Variants in PDIA6 observed in about 807,000 individuals in gnomAD.
PDIA6 encodes protein disulfide isomerase family A member 6.
Under a neutral mutation model 58.4 loss-of-function variants are expected in PDIA6, and 29 were observed. The observed-to-expected ratio is 0.50, with a 90% CI of 0.37 to 0.68. PDIA6 has a LOEUF of 0.68. Ranked by LOEUF, PDIA6 falls within the 30% of genes least tolerant of loss-of-function variation. The pLI is 0.00. For synonymous variants in PDIA6, 192 were observed against 202.6 expected (o/e 0.95, Z 0.44); for missense variants, 480 against 551.0 (o/e 0.87, Z 1.29).
upstream of PDIA6, among the ~76,000 whole-genome samples, chr2:10,832,833 G>C (rs1458120071): frequency 6.6e-6 from 1 of 152,120 alleles, no homozygotes; most frequent in Non-Finnish European, 1.5e-5. Flanking sequence ...CAGGAACAGG[G>C]TAAGGAGGCG....
At chr2:10,790,930 G>C in intron 6 of PDIA6, 97 bp from the exon 7 acceptor site, 3 of 804,912 alleles carry the variant, frequency 3.7e-6, no homozygotes, top group South Asian at 3.0e-5. Flanking sequence ...GCTCCCTGCA[G>C]CCTCAATCTC....
At chr2:10,829,502 T>C (rs1203229222) in intron 1 of PDIA6, among the ~76,000 whole-genome samples, 1 of 152,228 alleles carries the variant, frequency 6.6e-6, no homozygotes, top group Non-Finnish European at 1.5e-5. Flanking sequence ...CAAAAGATCC[T>C]GTCCTTACCA....
rs144815954 is a variant in PDIA6 at position 10,807,753 on chromosome 2, T to C, written c.19+4925A>G. 6.6e-5 allele frequency among the ~76,000 whole-genome samples: 10 copies of C among 152,358 alleles called. No homozygotes were observed. In the East Asian group the frequency reaches 1.7e-3, roughly 26 times the overall value. On this transcript the variant is annotated intron_variant, in intron 1 of 12. Transcript: ENST00000272227. ...CTTTTTCTGGAAGGAGTGTACACCA[T>C]TGTTCATTGTTTTACTGCTAAATCC...
intron 10 of PDIA6, among the ~76,000 whole-genome samples, chr2:10,787,812 C>T (rs930635698): frequency 1.3e-5 from 2 of 152,150 alleles, no homozygotes; most frequent in Non-Finnish European, 2.9e-5. Flanking sequence ...CGCCTGTGAT[C>T]CCAGCACTTT....
At chr2:10,794,703 C>A (rs1255245156) in intron 4 of PDIA6, among the ~76,000 whole-genome samples, 1 of 151,848 alleles carries the variant, frequency 6.6e-6, no homozygotes, top group East Asian at 2.0e-4. Context: ...CCGAGGCAGG[C>A]GGATCATGAG....
At position 10,812,700 on chromosome 2, in the gene PDIA6, G is replaced by A. The variant is rs1430366827; in HGVS notation, c.-4C>T. ...TACCGAGCACCAGGAGAGCCATGCC[G>A]AGCGCCGGGCTACGTGCAGTCCCCA... On this transcript the variant is annotated 5_prime_UTR_variant, in exon 1 of 13. Transcript: ENST00000272227. 2.0e-6 allele frequency: 3 copies of A among 1,528,658 alleles called. No homozygotes were observed. Among genetic ancestry groups the A allele is most frequent in the African/African-American group, 1.4e-5 (1 of 69,698 alleles). The allele number at this position is 1,528,658 out of a possible 1,614,324, so 94.7% of individuals were successfully genotyped here. A position where few individuals can be genotyped will look rare whatever the true frequency, so the allele number is the denominator to read the frequency against.
At chr2:10,820,403 A>G (rs13429247) in intron 1 of PDIA6, among the ~76,000 whole-genome samples, 38,213 of 152,084 alleles carry the variant, frequency 0.25, 5,065 homozygotes, top group Non-Finnish European at 0.27. Flanking sequence ...TTTTCAGTCT[A>G]AATTGTCATG....
At position 10,785,013 on chromosome 2, in the gene PDIA6, C is replaced by T. The variant is rs377194432; in HGVS notation, c.1175G>A (p.Arg392His). 146 of 1,580,738 alleles carry T rather than the reference C, an allele frequency of 9.2e-5. No individual in the cohort carries two copies. The highest frequency in any genetic ancestry group is 1.1e-4 in the Admixed American group (6 of 55,968). Residue 392 changes from arginine (R) to histidine (H), a missense_variant, in exon 12 of 13, where the codon CGT (arginine) becomes CAT (histidine). Transcript: ENST00000272227. ...NEFLRELSFG[R>H]GSTAPVGGGA... ...GCCTCCTACAGGTGCCGTGGAGCCA[C>T]GCCCAAAAGAGAGCTCCCTTAGGGA... is the stretch of plus-strand genomic sequence containing the variant.
intron 1 of PDIA6, among the ~76,000 whole-genome samples, chr2:10,825,552 G>C (rs981472885): frequency 6.6e-6 from 1 of 152,038 alleles, no homozygotes; most frequent in Non-Finnish European, 1.5e-5. Context: ...ACACAGTGTG[G>C]GATAAAATAT....
intron 2 of PDIA6, among the ~76,000 whole-genome samples, chr2:10,799,267 G>C (rs1462853398): frequency 6.6e-6 from 1 of 152,162 alleles, no homozygotes; most frequent in Non-Finnish European, 1.5e-5. Flanking sequence ...GTGATTTAAT[G>C]CATTTTTAAA....
intron 1 of PDIA6, among the ~76,000 whole-genome samples, chr2:10,826,892 C>T (rs1667569881): frequency 6.6e-6 from 1 of 152,192 alleles, no homozygotes; most frequent in Non-Finnish European, 1.5e-5. Context: ...CTGGTTCCTG[C>T]CTTCGGGCCT....
intron 8 of PDIA6, 44 bp from the exon 9 acceptor site, chr2:10,789,025 T>C (rs750194451): frequency 1.4e-6 from 2 of 1,403,814 alleles, no homozygotes; most frequent in Non-Finnish European, 2.0e-6. Context: ...GGCTGCATGA[T>C]ACAACACCTA....
At chr2:10,805,147 C>T (rs541823870) in intron 1 of PDIA6, among the ~76,000 whole-genome samples, 25 of 148,524 alleles carry the variant, frequency 1.7e-4, no homozygotes, top group African/African-American at 3.4e-4. Context: ...AGAAAATTTT[C>T]GCAACCTACT....
chr2:10,784,842 T>C, intron 12 of PDIA6, 92 bp downstream of exon 12: 3 of 927,224 alleles, frequency 3.2e-6, no homozygotes, highest in Non-Finnish European at 5.1e-6. Context: ...TGAGGTCTGA[T>C]GGGAAGGACT....
chr2:10,786,128 G>C (rs181973835), intron 11 of PDIA6, among the ~76,000 whole-genome samples: 6 of 152,072 alleles, frequency 3.9e-5, no homozygotes, highest in African/African-American at 1.2e-4. Context: ...TTTGAGACCC[G>C]CCTGGCCAAC....
At chr2:10,827,237 A>G (rs1047055742) in intron 1 of PDIA6, among the ~76,000 whole-genome samples, 2 of 151,730 alleles carry the variant, frequency 1.3e-5, no homozygotes, top group Admixed American at 1.3e-4. Context: ...TAATTTTTGT[A>G]TTTTCAGTAG....
chr2:10,824,332 C>T (rs1215397238), intron 1 of PDIA6, among the ~76,000 whole-genome samples: 1 of 152,248 alleles, frequency 6.6e-6, no homozygotes, highest in Non-Finnish European at 1.5e-5. Flanking sequence ...GATTACATGT[C>T]TGTGGCCGAT....
rs748192975 is a variant in PDIA6, at chr2:10,784,927, C to T, written c.1254+7G>A. The T allele has an allele frequency of 5.7e-6, 9 of 1,565,832 alleles. No individual in the cohort carries two copies. The highest frequency in any genetic ancestry group is 7.8e-6 in the Non-Finnish European group (9 of 1,150,430). ...CTGCCCGCACAGCTTCCCTCCCGGGCACTCACCTCGCCATCCCTGCCGTCC... is the reference window on the plus strand; with the variant it reads ...CTGCCCGCACAGCTTCCCTCCCGGGTACTCACCTCGCCATCCCTGCCGTCC... On this transcript the variant is annotated splice_region_variant and intron_variant, in intron 12 of 12. Coordinates refer to ENST00000272227, the MANE Select transcript of PDIA6 (RefSeq NM_005742.4).
At chr2:10,812,930 G>T (rs954014583), upstream of PDIA6, 59 of 916,558 alleles carry the variant, frequency 6.4e-5, no homozygotes, top group East Asian at 1.5e-4. Flanking sequence ...AGAGGTTACC[G>T]GTTTGGTTTT....
Sources: gnomAD v4.1 joint callset for allele counts (sites outside exome capture counted in the v4.1 genomes callset) on GRCh38, gnomAD v4.1.1 for gene constraint, MANE v1.5 for transcripts, NCBI Gene and HGNC (gene_info 2026-07-23, HGNC 2026-07-21) for gene names.